The following SEC24D variants were observed in gnomAD, a reference collection of about 807,000 sequenced individuals.
The protein encoded by SEC24D is protein transport protein Sec24D.
SEC24D carries 69 observed loss-of-function variants against 116.9 expected under a neutral mutation model. The observed-to-expected ratio is 0.59, with a 90% CI of 0.49 to 0.72. SEC24D has a LOEUF of 0.72. SEC24D is among the 30% of genes least tolerant of loss of function. The pLI is 0.00. For synonymous variants in SEC24D, 405 were observed against 442.8 expected, an observed-to-expected ratio of 0.91 and a Z score of 1.07; for missense variants, 1,131 against 1,264.1, an observed-to-expected ratio of 0.89 and a Z score of 1.60.
intron 22 of SEC24D, among the ~76,000 whole-genome samples, chr4:118,725,926 G>A (rs1410223866): frequency 6.6e-6 from 1 of 152,156 alleles, no homozygotes. Flanking sequence ...ATACTGGTAT[G>A]GATTGGTAGA....
intron 6 of SEC24D, among the ~76,000 whole-genome samples, chr4:118,811,827 C>A (rs1007013869): frequency 6.6e-6 from 1 of 152,164 alleles, no homozygotes; most frequent in African/African-American, 2.4e-5. Flanking sequence ...CATCTTACAG[C>A]AGTATACAGT....
chr4:118,784,830 G>A (rs900841596), intron 8 of SEC24D, among the ~76,000 whole-genome samples: 1 of 150,620 alleles, frequency 6.6e-6, no homozygotes, highest in Non-Finnish European at 1.5e-5. Context: ...AAACACTGGA[G>A]TGGGGGGAGA....
At chr4:118,810,393 C>G (rs1206430608) in intron 6 of SEC24D, among the ~76,000 whole-genome samples, 1 of 151,980 alleles carries the variant, frequency 6.6e-6, no homozygotes, top group Non-Finnish European at 1.5e-5. Context: ...AGAGAATTAG[C>G]TAAAGAACTA....
At chr4:118,764,200 A>AT (rs999625113) in intron 10 of SEC24D, among the ~76,000 whole-genome samples, 3 of 152,090 alleles carry the variant, frequency 2.0e-5, no homozygotes, top group Non-Finnish European at 4.4e-5. Context: ...AGAAAGCTAA[A>AT]TTTTTTTTAA....
intron 8 of SEC24D, among the ~76,000 whole-genome samples, chr4:118,777,914 G>A (rs896004220): frequency 8.5e-5 from 13 of 152,318 alleles, no homozygotes; most frequent in African/African-American, 3.1e-4. Context: ...GTCCTCTTTT[G>A]AGAAGAGTCT....
intron 21 of SEC24D, chr4:118,730,280 C>T (rs555922267): frequency 1.3e-5 from 2 of 152,172 alleles, no homozygotes; most frequent in Non-Finnish European, 2.9e-5. Context: ...TAATTTCAAA[C>T]ATATGCAGAT....
intron 18 of SEC24D, among the ~76,000 whole-genome samples, chr4:118,738,704 C>G (rs931816543): frequency 3.3e-5 from 5 of 152,140 alleles, no homozygotes; most frequent in Non-Finnish European, 5.9e-5. Flanking sequence ...GGATTGCTAC[C>G]TTTTCCAAAC....
At chr4:118,744,537 C>G (rs1726399152) in intron 14 of SEC24D, among the ~76,000 whole-genome samples, 1 of 152,232 alleles carries the variant, frequency 6.6e-6, no homozygotes, top group Non-Finnish European at 1.5e-5. Context: ...ACATTCCCCT[C>G]ACTGCTACAC....
At chr4:118,752,916 A>T (rs752119151) in intron 11 of SEC24D, 28 bp from the exon 12 acceptor site, 168 of 1,494,720 alleles carry the variant, frequency 1.1e-4, no homozygotes, top group Non-Finnish European at 1.4e-4. Context: ...AGTGTTTGAG[A>T]TGCTTTATAA....
chr4:118,808,117 T>C (rs577114012), intron 6 of SEC24D, among the ~76,000 whole-genome samples: 87 of 152,254 alleles, frequency 5.7e-4, no homozygotes, highest in African/African-American at 2.0e-3. Context: ...TGCACCACTA[T>C]GCCCAGTTAA....
In SEC24D at chr4:118,817,321, T is replaced by C. The variant is rs1294626212; in HGVS notation, c.340A>G (p.Thr114Ala). The C allele has an allele frequency of 6.2e-7, 1 of 1,613,482 alleles. No homozygotes were observed. Among genetic ancestry groups the C allele is most frequent in the African/African-American group, 1.3e-5 (1 of 74,838 alleles). The change falls in exon 4 of 23, where the codon ACT becomes GCT. Residue 114 changes from threonine to alanine, a missense_variant. Physicochemically the swap from Thr to Ala is moderately conservative, Grantham distance 58. Transcript: ENST00000280551. ...CTGCCCAGCTGGGTGACAGATGAAGTGGATATAGGACCTGGATAAGAAGAT... is the reference window on the plus strand; with the variant it reads ...CTGCCCAGCTGGGTGACAGATGAAGCGGATATAGGACCTGGATAAGAAGAT... Reference protein sequence around the residue: ...AQSSYPGPISTSSVTQLGSQL... With the variant: ...AQSSYPGPISASSVTQLGSQL...
intron 8 of SEC24D, among the ~76,000 whole-genome samples, chr4:118,770,726 C>A (rs889242419): frequency 1.3e-5 from 2 of 152,166 alleles, no homozygotes; most frequent in African/African-American, 4.8e-5. Flanking sequence ...CCAGACCCAG[C>A]CTAAAATTAC....
chr4:118,783,657 G>A (rs1728531772), intron 8 of SEC24D, among the ~76,000 whole-genome samples: 1 of 152,102 alleles, frequency 6.6e-6, no homozygotes, highest in Admixed American at 6.6e-5. Context: ...CCAGATTATG[G>A]TATATGAGAT....
At chr4:118,831,368 T>C (rs1730850418) in intron 2 of SEC24D, among the ~76,000 whole-genome samples, 1 of 151,956 alleles carries the variant, frequency 6.6e-6, no homozygotes, top group South Asian at 2.1e-4. Context: ...GTTTCTGGTA[T>C]GGATCACGAA....
chr4:118,802,410 A>G (rs994296248), intron 7 of SEC24D, among the ~76,000 whole-genome samples: 1 of 152,228 alleles, frequency 6.6e-6, no homozygotes, highest in Admixed American at 6.5e-5. Flanking sequence ...GAGCAAATAA[A>G]GTCCAAGGTT....
chr4:118,772,064 G>C (rs887767626), intron 8 of SEC24D, among the ~76,000 whole-genome samples: 1 of 152,198 alleles, frequency 6.6e-6, no homozygotes, highest in Non-Finnish European at 1.5e-5. Context: ...AGAAAATACA[G>C]TGTAGAAAGA....
Position 118,782,401 on chromosome 4 carries a change from A to G in SEC24D, c.1042-14090T>C, listed in dbSNP as rs188944471. 2.2e-3 allele frequency among the ~76,000 whole-genome samples: 339 copies of G among 152,334 alleles called. 2 individuals are homozygous for G. Among genetic ancestry groups the G allele is most frequent in the African/African-American group, 7.6e-3 (318 of 41,576 alleles). On this transcript the variant is annotated intron_variant, in intron 8 of 22. Coordinates refer to ENST00000280551, the MANE Select transcript of SEC24D (RefSeq NM_014822.4). ...CACTCCAGACCCTGTTTGCCTGGGT[A>G]TCACCAGCAGAGGCTCCAGAACAGC...
intron 6 of SEC24D, 151 bp downstream of exon 6, chr4:118,814,877 G>T: frequency 1.3e-6 from 1 of 768,256 alleles, no homozygotes; most frequent in Non-Finnish European, 2.1e-6. Flanking sequence ...CCCCATACAT[G>T]CATATAAGGA....
intron 7 of SEC24D, among the ~76,000 whole-genome samples, chr4:118,804,281 T>C (rs1481703128): frequency 2.0e-5 from 3 of 152,208 alleles, no homozygotes; most frequent in African/African-American, 4.8e-5. Context: ...TAGTATGTTC[T>C]AGATACCAGG....
Sources: allele counts gnomAD v4.1 joint callset (sites outside exome capture counted in the v4.1 genomes callset), GRCh38; gene constraint gnomAD v4.1.1; transcripts MANE v1.5; gene names NCBI Gene and HGNC (gene_info 2026-07-23, HGNC 2026-07-21).